PTER: variants seen among roughly 807,000 people sequenced by gnomAD.
PTER encodes the protein N-acetyltaurine hydrolase.
A neutral mutation model predicts 29.6 loss-of-function variants in PTER; 38 were observed. That is an observed-to-expected ratio of 1.28 (90% CI 0.99 to 1.68). The LOEUF is 1.68. Among genes scored for constraint, PTER ranks in the 40% most tolerant of loss-of-function variants. PTER has a pLI of 0.00. For synonymous variants in PTER, 172 were observed against 154.5 expected, an observed-to-expected ratio of 1.11 and a Z score of -0.84; for missense variants, 482 against 427.8, an observed-to-expected ratio of 1.13 and a Z score of -1.12.
intron 1 of PTER, among the ~76,000 whole-genome samples, chr10:16,455,698 A>G (rs1186448455): frequency 6.6e-6 from 1 of 152,204 alleles, no homozygotes; most frequent in Non-Finnish European, 1.5e-5. Context: ...CAAAAAATAA[A>G]AAGAGCAAGC....
intron 3 of PTER, among the ~76,000 whole-genome samples, chr10:16,499,799 A>G (rs944368658): frequency 6.6e-6 from 1 of 151,976 alleles, no homozygotes; most frequent in Non-Finnish European, 1.5e-5. Flanking sequence ...AGGAGGTCAT[A>G]TCAATAAATG....
At chr10:16,505,599 C>A (rs1454969029) in intron 4 of PTER, among the ~76,000 whole-genome samples, 1 of 152,132 alleles carries the variant, frequency 6.6e-6, no homozygotes, top group Non-Finnish European at 1.5e-5. Flanking sequence ...AAGTTAAATG[C>A]TAAAAGTATA....
chr10:16,453,726 A>C (rs1486003443), intron 1 of PTER, among the ~76,000 whole-genome samples: 1 of 152,228 alleles, frequency 6.6e-6, no homozygotes, highest in African/African-American at 2.4e-5. Flanking sequence ...GAAAGATATC[A>C]ATGGTTTTCA....
intron 3 of PTER, among the ~76,000 whole-genome samples, chr10:16,497,197 A>T (rs1001121023): frequency 1.3e-5 from 2 of 152,114 alleles, no homozygotes; most frequent in Non-Finnish European, 1.5e-5. Flanking sequence ...GGCCTCCCAA[A>T]GTGCTGGGAT....
intron 1 of PTER, among the ~76,000 whole-genome samples, chr10:16,448,457 T>A (rs1412604169): frequency 6.6e-6 from 1 of 152,168 alleles, no homozygotes; most frequent in Non-Finnish European, 1.5e-5. Flanking sequence ...CCACTAAGCA[T>A]TGTGCCTCTT....
At chr10:16,457,682 C>T (rs764609125) in intron 1 of PTER, among the ~76,000 whole-genome samples, 47 of 152,098 alleles carry the variant, frequency 3.1e-4, no homozygotes, top group Non-Finnish European at 5.6e-4. Context: ...TCACTGCAAC[C>T]GCTGCCTCCC....
chr10:16,499,056 G>A (rs1043156535), intron 3 of PTER, among the ~76,000 whole-genome samples: 2 of 152,140 alleles, frequency 1.3e-5, no homozygotes, highest in Non-Finnish European at 2.9e-5. Flanking sequence ...TTAAGAACAC[G>A]GCCTCAACAC....
intron 1 of PTER, among the ~76,000 whole-genome samples, chr10:16,469,171 A>G (rs139890310): frequency 6.6e-6 from 1 of 152,204 alleles, no homozygotes; most frequent in Admixed American, 6.5e-5. Context: ...AGGGTTAGGG[A>G]GGCAGAGTGG....
Position 16,484,305 on chromosome 10 carries a change from T to C in PTER, c.-48-32T>C. Reference sequence around the variant, plus strand: ...TTTATGTGTGTGTTAAATATTCTGATTGTAGTTGTTTGTTTGTTTGTTTGT... The same window carrying C: ...TTTATGTGTGTGTTAAATATTCTGACTGTAGTTGTTTGTTTGTTTGTTTGT... On this transcript the variant is annotated intron_variant, in intron 1 of 4. Coordinates refer to ENST00000535784, the MANE Select transcript of PTER (RefSeq NM_001261836.2). 2 of 1,319,028 alleles carry C rather than the reference T, an allele frequency of 1.5e-6. 1 individual carries two copies. Among genetic ancestry groups the C allele is most frequent in the South Asian group, 2.9e-5 (2 of 69,492 alleles). The allele number at this position is 1,319,028 out of a possible 1,614,324, so 81.7% of individuals were successfully genotyped here.
At chr10:16,437,724 T>C (rs1833700875) in intron 1 of PTER, among the ~76,000 whole-genome samples, 1 of 152,208 alleles carries the variant, frequency 6.6e-6, no homozygotes, top group African/African-American at 2.4e-5. Context: ...TGAAGGATTC[T>C]AGTGATAACG....
chr10:16,457,305 C>T (rs1245754309), intron 1 of PTER, among the ~76,000 whole-genome samples: 7 of 151,814 alleles, frequency 4.6e-5, no homozygotes, highest in East Asian at 3.9e-4. Context: ...CTCCGCCTCC[C>T]GGGTTCACGC....
chr10:16,489,529 T>C (rs1433901187), intron 3 of PTER, among the ~76,000 whole-genome samples: 2 of 146,610 alleles, frequency 1.4e-5, no homozygotes, highest in African/African-American at 5.1e-5. Flanking sequence ...GAGTATTAGG[T>C]TGGTTTCCTC....
downstream of PTER, chr10:16,514,851 T>G: frequency 3.1e-6 from 2 of 636,994 alleles, no homozygotes; most frequent in Non-Finnish European, 5.4e-6. Flanking sequence ...CAGAGCTTTA[T>G]GAGGATAGTG....
chr10:16,458,392 A>C (rs1834490414), intron 1 of PTER, among the ~76,000 whole-genome samples: 1 of 152,214 alleles, frequency 6.6e-6, no homozygotes, highest in Admixed American at 6.5e-5. Context: ...GACTGTGCTT[A>C]TGCGATTATG....
chr10:16,446,219 C>T (rs980369398), intron 1 of PTER, among the ~76,000 whole-genome samples: 1 of 139,074 alleles, frequency 7.2e-6, no homozygotes, highest in Non-Finnish European at 1.5e-5. Flanking sequence ...CCACCCCCAA[C>T]ATTTTTTTTT....
chr10:16,478,729 A>C (rs902145929), intron 1 of PTER, among the ~76,000 whole-genome samples: 2 of 152,174 alleles, frequency 1.3e-5, no homozygotes, highest in African/African-American at 4.8e-5. Flanking sequence ...ACCACAGTCT[A>C]CACAAAGGCC....
At position 16,489,204 on chromosome 10, in the gene PTER, C is replaced by T. The variant is rs139665312; in HGVS notation, c.698+2587C>T. On this transcript the variant is annotated intron_variant, in intron 3 of 4. Transcript: ENST00000535784. Reference sequence around the variant, plus strand: ...CCAACGGAATCAATCTGTCACTTAGCCAATATATTTGGTTTATAATGTTGA... The same window carrying T: ...CCAACGGAATCAATCTGTCACTTAGTCAATATATTTGGTTTATAATGTTGA... Among the ~76,000 whole-genome samples, 387 of 152,228 alleles carry T rather than the reference C, an allele frequency of 2.5e-3. 1 individual carries two copies. Among genetic ancestry groups the T allele is most frequent in the Middle Eastern group, 6.8e-3 (2 of 294 alleles).
intron 1 of PTER, among the ~76,000 whole-genome samples, chr10:16,469,256 A>G (rs7078128): frequency 0.027 from 4,070 of 152,212 alleles, 183 homozygotes; most frequent in African/African-American, 0.092. Flanking sequence ...GGGAGAAGAT[A>G]AAAAGTCCAG....
chr10:16,437,343 T>A (rs1435987463), intron 1 of PTER: 1 of 149,554 alleles, frequency 6.7e-6, no homozygotes, highest in Admixed American at 6.6e-5. Flanking sequence ...GCTTTTTTTT[T>A]TTTTTTTTTT....
Sources: gnomAD v4.1 joint callset for allele counts (sites outside exome capture counted in the v4.1 genomes callset) on GRCh38, gnomAD v4.1.1 for gene constraint, MANE v1.5 for transcripts, NCBI Gene and HGNC (gene_info 2026-07-23, HGNC 2026-07-21) for gene names.